Variants in ASCC1 observed in about 807,000 individuals in gnomAD.
ASCC1 encodes the protein activating signal cointegrator 1 complex subunit 1, also known as ASC-1 complex subunit P50.
A neutral mutation model predicts 46.6 loss-of-function variants in ASCC1; 35 were observed. That is an observed-to-expected ratio of 0.75 (90% CI 0.57 to 0.99). The LOEUF is 0.99. Ranked by LOEUF, ASCC1 falls within the 50% of genes least tolerant of loss-of-function variation. ASCC1 has a pLI of 0.00. For missense variants in ASCC1, 376 were observed against 428.7 expected, an observed-to-expected ratio of 0.88 and a Z score of 1.09; for synonymous variants, 143 against 146.6, an observed-to-expected ratio of 0.98 and a Z score of 0.18.
At chr10:72,161,016 G>A (rs1230986092) in intron 6 of ASCC1, among the ~76,000 whole-genome samples, 2 of 151,954 alleles carry the variant, frequency 1.3e-5, no homozygotes, top group African/African-American at 4.8e-5. Flanking sequence ...CCAGCAGGCA[G>A]AGCTTGCAGT....
At chr10:72,117,875 T>C (rs540524520) in intron 9 of ASCC1, among the ~76,000 whole-genome samples, 3 of 152,284 alleles carry the variant, frequency 2.0e-5, no homozygotes, top group East Asian at 1.9e-4. Context: ...TATCCAGTCA[T>C]AGAAATATAA....
At chr10:72,200,731 T>C (rs890975404) in intron 4 of ASCC1, among the ~76,000 whole-genome samples, 2 of 152,080 alleles carry the variant, frequency 1.3e-5, no homozygotes, top group Non-Finnish European at 1.5e-5. Flanking sequence ...TATTTGTAAC[T>C]TGAATGTTAA....
chr10:72,170,395 T>A (rs997111863), intron 5 of ASCC1, among the ~76,000 whole-genome samples: 1 of 151,926 alleles, frequency 6.6e-6, no homozygotes, highest in Non-Finnish European at 1.5e-5. Context: ...AGTCTACTCA[T>A]GAGGAAATGC....
chr10:72,209,083 T>C (rs1445991389), intron 3 of ASCC1, among the ~76,000 whole-genome samples: 3 of 151,408 alleles, frequency 2.0e-5, no homozygotes, highest in African/African-American at 7.3e-5. Context: ...GAGGATCACT[T>C]GAGCCCAGGA....
At chr10:72,132,230 T>G (rs754056188) in intron 8 of ASCC1, among the ~76,000 whole-genome samples, 3 of 152,148 alleles carry the variant, frequency 2.0e-5, no homozygotes, top group Non-Finnish European at 4.4e-5. Context: ...CCGGAATACG[T>G]GACCTTGGTG....
chr10:72,211,117 T>C, intron 2 of ASCC1, among the ~76,000 whole-genome samples: 1 of 152,220 alleles, frequency 6.6e-6, no homozygotes, highest in East Asian at 1.9e-4. Flanking sequence ...GTGGTTTCGC[T>C]TTCCAAGGTT....
rs569565580 is a variant in ASCC1, at chr10:72,131,281, C to T, written c.871+1776G>A. On this transcript the variant is annotated intron_variant, in intron 8 of 9. Coordinates refer to ENST00000672957, the MANE Select transcript of ASCC1 (RefSeq NM_001198800.3). ...TAAAAATACGAAAATTAGCTGAGCGCGGTGGCAGGTGCCTGTAATCCCAGC... is the reference window on the plus strand; with the variant it reads ...TAAAAATACGAAAATTAGCTGAGCGTGGTGGCAGGTGCCTGTAATCCCAGC... Among the ~76,000 whole-genome samples, 10 of 152,012 alleles carry T rather than the reference C, an allele frequency of 6.6e-5. No individual in the cohort carries two copies. In the South Asian group the frequency reaches 2.1e-3, roughly 32 times the overall value.
intron 5 of ASCC1, among the ~76,000 whole-genome samples, chr10:72,194,594 T>G (rs1385457975): frequency 6.8e-6 from 1 of 146,978 alleles, no homozygotes; most frequent in African/African-American, 2.7e-5. Context: ...AACCCACTAG[T>G]GCAGAAAAAT....
chr10:72,133,579 C>T, intron 7 of ASCC1: 1 of 289,246 alleles, frequency 3.5e-6, no homozygotes, highest in Non-Finnish European at 6.7e-6. Context: ...CATGCAAGAT[C>T]ACAGCATATT....
intron 1 of ASCC1, among the ~76,000 whole-genome samples, chr10:72,214,595 T>C (rs1858789045): frequency 6.6e-6 from 1 of 152,084 alleles, no homozygotes; most frequent in Non-Finnish European, 1.5e-5. Flanking sequence ...CAGGCTGGTC[T>C]GGAACTCCTG....
chr10:72,188,116 T>C (rs1853781188), intron 5 of ASCC1, among the ~76,000 whole-genome samples: 2 of 150,250 alleles, frequency 1.3e-5, no homozygotes, highest in Non-Finnish European at 3.0e-5. Flanking sequence ...TTTCTAATAC[T>C]TCTTCTTTTT....
At chr10:72,119,426 G>C (rs1475086308) in intron 9 of ASCC1, among the ~76,000 whole-genome samples, 1 of 152,152 alleles carries the variant, frequency 6.6e-6, no homozygotes, top group Non-Finnish European at 1.5e-5. Context: ...GAAATATCCA[G>C]CCCTAGTGGG....
rs369383602 is a variant in ASCC1 at position 72,203,424 on chromosome 10, C to T, written c.310+3G>A. ...AATGTAACTTATATCTACTGAGTCT[C>T]ACCAATTTCCCCGTCTTGTCCAGGT... is the stretch of plus-strand genomic sequence containing the variant. On this transcript the variant is annotated splice_donor_region_variant and intron_variant, in intron 4 of 9. Coordinates refer to ENST00000672957, the MANE Select transcript of ASCC1 (RefSeq NM_001198800.3). 6.2e-7 allele frequency: 1 copy of T among 1,608,070 alleles called. No homozygotes were observed.
chr10:72,133,130 T>C lies in ASCC1; in HGVS notation c.798A>G (p.Leu266=). ...TCACACTATTCCACTCTTTCACTAT[T>C]AGTCCAGATGCCTGAAAACGTTCCA... ...RVLERFQASG[L]IVKEWNSVKL... The change falls in exon 8 of 10, where the codon CTA becomes CTG. Residue 266 remains leucine, a synonymous_variant. Transcript: ENST00000672957. 6.2e-7 allele frequency: 1 copy of C among 1,614,032 alleles called. No individual in the cohort carries two copies.
chr10:72,143,762 T>C (rs112954503), intron 7 of ASCC1, among the ~76,000 whole-genome samples: 9 of 151,576 alleles, frequency 5.9e-5, no homozygotes, highest in African/African-American at 1.9e-4. Flanking sequence ...TTACTGACTT[T>C]ATATCTGCTT....
At chr10:72,148,228 G>A (rs1235745836) in intron 7 of ASCC1, among the ~76,000 whole-genome samples, 2 of 152,088 alleles carry the variant, frequency 1.3e-5, no homozygotes, top group Non-Finnish European at 2.9e-5. Flanking sequence ...GATGAAACTG[G>A]CAGTATGTAT....
chr10:72,122,755 G>A (rs1344764123), intron 9 of ASCC1, among the ~76,000 whole-genome samples: 1 of 152,096 alleles, frequency 6.6e-6, no homozygotes, highest in Non-Finnish European at 1.5e-5. Flanking sequence ...TCCAGCCTGG[G>A]TGACAGAGCG....
chr10:72,188,348 A>G (rs1201964317), intron 5 of ASCC1, among the ~76,000 whole-genome samples: 1 of 151,648 alleles, frequency 6.6e-6, no homozygotes, highest in Non-Finnish European at 1.5e-5. Flanking sequence ...CGAACTCCTG[A>G]CCTCAAGTGA....
At chr10:72,177,076 T>G (rs1186044244) in intron 5 of ASCC1, among the ~76,000 whole-genome samples, 1 of 152,160 alleles carries the variant, frequency 6.6e-6, no homozygotes, top group Admixed American at 6.6e-5. Flanking sequence ...TGTTGGCACA[T>G]AATATGTCCT....
Sources: allele counts gnomAD v4.1 joint callset (sites outside exome capture counted in the v4.1 genomes callset), GRCh38; gene constraint gnomAD v4.1.1; transcripts MANE v1.5; gene names NCBI Gene and HGNC (gene_info 2026-07-23, HGNC 2026-07-21).